MTMR14: variants seen among roughly 807,000 people sequenced by gnomAD.
MTMR14 encodes phosphatidylinositol-3,5-bisphosphate 3-phosphatase MTMR14.
MTMR14 carries 48 observed loss-of-function variants against 86.3 expected under a neutral mutation model. That is an observed-to-expected ratio of 0.56 (90% CI 0.44 to 0.71). The LOEUF is 0.71. Among genes scored for constraint, MTMR14 ranks in the 30% least tolerant of loss-of-function variants. MTMR14 has a pLI of 0.00. For synonymous variants in MTMR14, 366 were observed against 326.1 expected (o/e 1.12, Z -1.32); for missense variants, 780 against 834.6 (o/e 0.93, Z 0.81).
intron 5 of MTMR14, among the ~76,000 whole-genome samples, chr3:9,669,899 A>G (rs558884609): frequency 1.1e-4 from 17 of 152,336 alleles, no homozygotes; most frequent in African/African-American, 4.1e-4. Context: ...CAAGGGCTAC[A>G]GTCCATACAT....
At chr3:9,698,410 A>G (rs77267995) in intron 18 of MTMR14, among the ~76,000 whole-genome samples, 1 of 152,198 alleles carries the variant, frequency 6.6e-6, no homozygotes, top group East Asian at 1.9e-4. Context: ...CAGTGTGTCC[A>G]CCTGACTGGA....
intron 2 of MTMR14, among the ~76,000 whole-genome samples, chr3:9,656,910 T>C (rs1179816084): frequency 1.3e-5 from 2 of 151,772 alleles, no homozygotes; most frequent in Non-Finnish European, 2.9e-5. Flanking sequence ...TCAGCTGTAA[T>C]CAAGGTGGGT....
intron 17 of MTMR14, among the ~76,000 whole-genome samples, chr3:9,693,728 G>A (rs899089349): frequency 2.0e-5 from 3 of 152,172 alleles, no homozygotes; most frequent in African/African-American, 7.2e-5. Context: ...CAGTTCATGC[G>A]TGTGTTCAAG....
At chr3:9,650,947 C>T (rs2047249145) in intron 1 of MTMR14, among the ~76,000 whole-genome samples, 1 of 152,096 alleles carries the variant, frequency 6.6e-6, no homozygotes, top group Non-Finnish European at 1.5e-5. Context: ...CACCACCACG[C>T]CCAGCTAATT....
chr3:9,665,674 C>T (rs1040582154), intron 3 of MTMR14, among the ~76,000 whole-genome samples: 1 of 152,002 alleles, frequency 6.6e-6, no homozygotes, highest in African/African-American at 2.4e-5. Flanking sequence ...AAACTCAGTT[C>T]AGCATGGTTG....
chr3:9,663,853 A>G (rs938947560), intron 3 of MTMR14, among the ~76,000 whole-genome samples: 1 of 146,474 alleles, frequency 6.8e-6, no homozygotes, highest in Non-Finnish European at 1.5e-5. Flanking sequence ...CAGTGGCCCA[A>G]GCTTGGCTCA....
chr3:9,673,812 G>GCCGGGCGTGGTGGCTC (rs1296245030), intron 7 of MTMR14, among the ~76,000 whole-genome samples: 1 of 151,876 alleles, frequency 6.6e-6, no homozygotes, highest in African/African-American at 2.4e-5. Flanking sequence ...TGAAGTGCCA[G>GCCGGGCGTGGTGGCTC]ACCCCTCCAT....
chr3:9,654,750 G>A (rs2047500119), intron 2 of MTMR14, among the ~76,000 whole-genome samples: 1 of 152,256 alleles, frequency 6.6e-6, no homozygotes, highest in Admixed American at 6.5e-5. Flanking sequence ...AGGGCTAGCA[G>A]TGCATTCAAT....
chr3:9,691,446 G>A (rs1343620778), intron 17 of MTMR14, among the ~76,000 whole-genome samples: 2 of 152,216 alleles, frequency 1.3e-5, no homozygotes, highest in African/African-American at 4.8e-5. Flanking sequence ...GACCCTCACT[G>A]TTCTAGGCTG....
intron 1 of MTMR14, among the ~76,000 whole-genome samples, chr3:9,652,449 T>C (rs1310640256): frequency 6.6e-6 from 1 of 151,848 alleles, no homozygotes; most frequent in Non-Finnish European, 1.5e-5. Flanking sequence ...GGTACTAGTC[T>C]ATGGCTAAAG....
At chr3:9,653,345 G>A (rs767083717) in intron 1 of MTMR14, among the ~76,000 whole-genome samples, 1 of 152,200 alleles carries the variant, frequency 6.6e-6, no homozygotes, top group Non-Finnish European at 1.5e-5. Context: ...AGACCTCTTT[G>A]AATCTAATGA....
intron 3 of MTMR14, among the ~76,000 whole-genome samples, chr3:9,668,095 G>C (rs1314554573): frequency 6.6e-6 from 1 of 151,826 alleles, no homozygotes; most frequent in African/African-American, 2.4e-5. Context: ...ATTGAGGTTT[G>C]TGCCAGTTGC....
intron 3 of MTMR14, among the ~76,000 whole-genome samples, chr3:9,668,050 CTATT>C (rs1178211442): frequency 1.3e-5 from 2 of 152,138 alleles, no homozygotes; most frequent in Admixed American, 6.5e-5. Flanking sequence ...TCAGCAAACA[CTATT>C]TATTTTAAAC....
At chr3:9,682,913 C>T (rs987416424) in intron 9 of MTMR14, among the ~76,000 whole-genome samples, 2 of 151,878 alleles carry the variant, frequency 1.3e-5, no homozygotes, top group Non-Finnish European at 2.9e-5. Context: ...TTCTGTTCCT[C>T]ACTCTCACAT....
chr3:9,672,249 C>A (rs529480733), intron 6 of MTMR14, among the ~76,000 whole-genome samples: 1 of 152,060 alleles, frequency 6.6e-6, no homozygotes, highest in Non-Finnish European at 1.5e-5. Context: ...AGGTAGAGTT[C>A]TTTTTTTGAC....
At chr3:9,662,146 T>G in intron 2 of MTMR14, 121 bp from the exon 3 acceptor site, 1 of 739,960 alleles carries the variant, frequency 1.4e-6, no homozygotes, top group Non-Finnish European at 2.4e-6. Context: ...AGGAATGACA[T>G]TTAATTTCAA....
chr3:9,669,362 T>G, intron 4 of MTMR14, 70 bp from the exon 5 acceptor site: 3 of 1,523,274 alleles, frequency 2.0e-6, no homozygotes, highest in Non-Finnish European at 2.7e-6. Flanking sequence ...GGAAGGAGGC[T>G]GGTGAGGAGG....
chr3:9,698,573 T>C (rs528661628), intron 18 of MTMR14, among the ~76,000 whole-genome samples: 1 of 152,242 alleles, frequency 6.6e-6, no homozygotes, highest in Non-Finnish European at 1.5e-5. Flanking sequence ...TACCATGGGC[T>C]GGATGAATGG....
rs1466539981 is a variant in MTMR14, at chr3:9,701,128, A to C, written c.1770-662A>C. 1.3e-5 allele frequency: 2 copies of C among 153,222 alleles called. No homozygotes were observed. The highest frequency in any genetic ancestry group is 2.9e-5 in the Non-Finnish European group (2 of 68,792). 9.5% of individuals were successfully genotyped at this position (153,222 alleles called of 1,614,324 possible). ...CAGCTGCAGCGTGCTGCCAGATTTC[A>C]GGGGCCTCCTTACTGTTAGGTATAA... On this transcript the variant is annotated intron_variant, in intron 18 of 18. Coordinates refer to ENST00000296003, the MANE Select transcript of MTMR14 (RefSeq NM_001077525.3). This position sits in a 1 kb window ranked among gnomAD's most constrained non-coding sequence, Gnocchi z 4.2.
Sources: gnomAD v4.1 joint callset for allele counts (sites outside exome capture counted in the v4.1 genomes callset) on GRCh38, gnomAD v4.1.1 for gene constraint, Gnocchi (gnomAD v3.1) non-coding constraint, MANE v1.5 for transcripts, NCBI Gene and HGNC (gene_info 2026-07-23, HGNC 2026-07-21) for gene names.